Variants in AKAP12 observed in about 807,000 individuals in gnomAD.
AKAP12 encodes A-kinase anchoring protein 12.
Under a neutral mutation model 79.9 loss-of-function variants are expected in AKAP12, and 32 were observed. The ratio of observed to expected loss-of-function variants is 0.40; its 90% CI spans 0.30 to 0.54. The LOEUF is 0.54. AKAP12 is among the 20% of genes least tolerant of loss of function. AKAP12 has a pLI of 0.48. For synonymous variants in AKAP12, 808 were observed against 857.0 expected (o/e 0.94, Z 1.00); for missense variants, 2,074 against 2,177.0 (o/e 0.95, Z 0.94).
intron 2 of AKAP12, among the ~76,000 whole-genome samples, chr6:151,245,924 A>T (rs1002171376): frequency 1.3e-5 from 2 of 152,188 alleles, no homozygotes; most frequent in Admixed American, 1.3e-4. Context: ...GAAAAAGATC[A>T]TATCACATAT....
At chr6:151,311,601 G>A (rs1159162336) in intron 3 of AKAP12, among the ~76,000 whole-genome samples, 4 of 152,090 alleles carry the variant, frequency 2.6e-5, no homozygotes, top group Non-Finnish European at 4.4e-5. Context: ...ATTTCTTAAC[G>A]TTTTACAGGA....
chr6:151,310,191 C>T (rs969775107), intron 3 of AKAP12, among the ~76,000 whole-genome samples: 5 of 151,814 alleles, frequency 3.3e-5, no homozygotes, highest in East Asian at 1.9e-4. Context: ...GGTGAAACCC[C>T]GTCTCTACTA....
chr6:151,278,947 A>G lies in AKAP12; in HGVS notation c.163-26800A>G, dbSNP rs186646892. On this transcript the variant is annotated intron_variant, in intron 2 of 4. Transcript: ENST00000402676. Reference sequence around the variant, plus strand: ...CTCCCAAAGTGCTGGGATTACAGGCATGAGCCACCGCGCCCGGCGGTAGTA... The same window carrying G: ...CTCCCAAAGTGCTGGGATTACAGGCGTGAGCCACCGCGCCCGGCGGTAGTA... Among the ~76,000 whole-genome samples the G allele has an allele frequency of 4.4e-3, 674 of 152,290 alleles. 4 individuals are homozygous for G. Among genetic ancestry groups the G allele is most frequent in the African/African-American group, 0.014 (578 of 41,576 alleles).
intron 2 of AKAP12, among the ~76,000 whole-genome samples, chr6:151,272,263 T>C (rs1776198004): frequency 1.3e-5 from 2 of 149,754 alleles, no homozygotes; most frequent in African/African-American, 4.9e-5. Flanking sequence ...AAGGATCCCT[T>C]GAGCCAAGGA....
At chr6:151,292,811 T>TTC (rs775278334) in intron 2 of AKAP12, among the ~76,000 whole-genome samples, 4 of 152,224 alleles carry the variant, frequency 2.6e-5, no homozygotes, top group Non-Finnish European at 5.9e-5. Context: ...CAAACATCCC[T>TTC]TCTCAGGATG....
At chr6:151,289,740 A>T (rs1459989825) in intron 2 of AKAP12, among the ~76,000 whole-genome samples, 2 of 152,234 alleles carry the variant, frequency 1.3e-5, no homozygotes, top group Non-Finnish European at 2.9e-5. Context: ...GGCCTGTAAG[A>T]AAAAGAAGCA....
chr6:151,353,145 C>G lies in AKAP12; in HGVS notation c.4754C>G (p.Ala1585Gly), dbSNP rs771959122. 6.2e-7 allele frequency: 1 copy of G among 1,614,184 alleles called. No homozygotes were observed. The highest frequency in any genetic ancestry group is 1.7e-5 in the Admixed American group (1 of 60,026). The change falls in exon 4 of 5, where the codon GCT becomes GGT. Residue 1585 changes from alanine to glycine, a missense_variant. This residue lies in a region of AKAP12 where 614 missense variants were observed against 665.6 expected (regional missense o/e 0.92). Coordinates refer to ENST00000402676, the MANE Select transcript of AKAP12 (RefSeq NM_005100.4). The part of the protein sequence containing the change: ...ELQTQAHVIK[A>G]DSQDAGQETE... ...CAGACACAAGCTCACGTGATAAAAG[C>G]TGACAGCCAGGACGCTGGACAGGAA... is the stretch of plus-strand genomic sequence containing the variant.
chr6:151,255,468 A>G (rs1364254048), intron 2 of AKAP12, among the ~76,000 whole-genome samples: 1 of 151,602 alleles, frequency 6.6e-6, no homozygotes, highest in Non-Finnish European at 1.5e-5. Context: ...GCTGGGATTG[A>G]TAAATGTTGT....
At chr6:151,261,745 AT>A (rs1797443246) in intron 2 of AKAP12, among the ~76,000 whole-genome samples, 1 of 50,310 alleles carries the variant, frequency 2.0e-5, no homozygotes, top group East Asian at 5.7e-4. Flanking sequence ...TTATTTATTT[AT>A]TTATTTATTT....
At chr6:151,341,830 T>C in intron 3 of AKAP12, 2 of 1,278,302 alleles carry the variant, frequency 1.6e-6, no homozygotes, top group Non-Finnish European at 2.0e-6. Flanking sequence ...GTCCCAGGCT[T>C]GGGAAAGCCT....
intron 2 of AKAP12, among the ~76,000 whole-genome samples, chr6:151,254,676 G>A (rs1352688051): frequency 6.6e-6 from 1 of 152,120 alleles, no homozygotes; most frequent in African/African-American, 2.4e-5. Flanking sequence ...AATACAGAAA[G>A]CTCATTTAGC....
chr6:151,349,393 A>G lies in AKAP12; in HGVS notation c.1002A>G (p.Lys334=). 2 of 1,613,906 alleles carry G rather than the reference A, an allele frequency of 1.2e-6. No individual in the cohort carries two copies. The highest frequency in any genetic ancestry group is 1.7e-6 in the Non-Finnish European group (2 of 1,179,962). The change falls in exon 4 of 5, where the codon AAA becomes AAG. Residue 334 remains lysine, a synonymous_variant. Coordinates refer to ENST00000402676, the MANE Select transcript of AKAP12 (RefSeq NM_005100.4). ...AGAAAAAGGAACAAGAGCCAGAAAAAGTAGACACAGAAGAAGACGGAAAGG... is the reference window on the plus strand; with the variant it reads ...AGAAAAAGGAACAAGAGCCAGAAAAGGTAGACACAGAAGAAGACGGAAAGG... ...SEKKKEQEPE[K]VDTEEDGKAE... is the part of the protein sequence containing the mutation.
intron 3 of AKAP12, among the ~76,000 whole-genome samples, chr6:151,326,923 T>A (rs1777544723): frequency 6.6e-6 from 1 of 152,082 alleles, no homozygotes; most frequent in South Asian, 2.1e-4. Context: ...TTCAAGCGAT[T>A]CTCCTGCCTC....
chr6:151,241,241 G>C (rs1033727277), intron 2 of AKAP12, among the ~76,000 whole-genome samples: 3 of 152,218 alleles, frequency 2.0e-5, no homozygotes, highest in African/African-American at 7.2e-5. Flanking sequence ...TGGAGCGAGC[G>C]GGTTTGGTAC....
rs1778311775 is a variant in AKAP12, at chr6:151,352,173, CTG to C, written c.3783_3784del (p.Glu1262GlyfsTer6). 1.2e-6 allele frequency: 2 copies of C among 1,614,020 alleles called. No homozygotes were observed. Among genetic ancestry groups the C allele is most frequent in the Non-Finnish European group, 1.7e-6 (2 of 1,180,046 alleles). ...GAAACTGTATCCATTCTGTCAAAGACTGAGGGGACTCAAGAGGCTGACCAGTA... is the reference window on the plus strand; with the variant it reads ...GAAACTGTATCCATTCTGTCAAAGACAGGGGACTCAAGAGGCTGACCAGTA... On this transcript the variant is annotated frameshift_variant, in exon 4 of 5. Coordinates refer to ENST00000402676, the MANE Select transcript of AKAP12 (RefSeq NM_005100.4). LOFTEE classifies it low-confidence loss of function (END_TRUNC).
At chr6:151,295,031 T>A (rs1050297550) in intron 2 of AKAP12, among the ~76,000 whole-genome samples, 1 of 152,202 alleles carries the variant, frequency 6.6e-6, no homozygotes, top group Admixed American at 6.5e-5. Flanking sequence ...CAAGCTAACC[T>A]GGAGCACAGA....
At chr6:151,328,762 T>G (rs1777598890) in intron 3 of AKAP12, among the ~76,000 whole-genome samples, 1 of 152,186 alleles carries the variant, frequency 6.6e-6, no homozygotes, top group Non-Finnish European at 1.5e-5. Flanking sequence ...ACTATGTTAT[T>G]TTAGGAGGCC....
At chr6:151,288,735 G>T (rs1369236707) in intron 2 of AKAP12, among the ~76,000 whole-genome samples, 1 of 152,112 alleles carries the variant, frequency 6.6e-6, no homozygotes, top group Non-Finnish European at 1.5e-5. Context: ...TGCTTTTGGA[G>T]GACAGAGTGA....
Position 151,281,154 on chromosome 6 carries a change from AT to A in AKAP12, c.163-24590del, listed in dbSNP as rs1449198831. Among the ~76,000 whole-genome samples the A allele has an allele frequency of 2.6e-5, 4 of 152,092 alleles. No homozygotes were observed. In the East Asian group the frequency reaches 7.7e-4, roughly 29 times the overall value. ...CATGTGCGTGGTGTTCAGGATGTGGATTTGAATCCCCAACTCAGCCACTTAC... is the reference window on the plus strand; with the variant it reads ...CATGTGCGTGGTGTTCAGGATGTGGATTGAATCCCCAACTCAGCCACTTAC... On this transcript the variant is annotated intron_variant, in intron 2 of 4. Transcript: ENST00000402676.
Sources: allele counts gnomAD v4.1 joint callset (sites outside exome capture counted in the v4.1 genomes callset), GRCh38; gene constraint gnomAD v4.1.1; regional missense constraint gnomAD v4.1.1; transcripts MANE v1.5; gene names NCBI Gene and HGNC (gene_info 2026-07-23, HGNC 2026-07-21).